Variants in CELF2 observed in about 807,000 individuals in gnomAD.
CELF2 encodes the protein CUGBP Elav-like family member 2.
CELF2 carries 8 observed loss-of-function variants against 62.6 expected under a neutral mutation model. The observed-to-expected ratio is 0.13, with a 90% CI of 0.07 to 0.23. The LOEUF is 0.23. Ranked by LOEUF, CELF2 falls within the 10% of genes least tolerant of loss-of-function variation. The pLI is 1.00. For missense variants in CELF2, 333 were observed against 671.0 expected, an observed-to-expected ratio of 0.50 and a Z score of 5.56; for synonymous variants, 258 against 250.0, an observed-to-expected ratio of 1.03 and a Z score of -0.30.
rs534739171 is a variant in CELF2, at chr10:11,201,240, T to A, written c.272-16185T>A. 5.4e-4 allele frequency among the ~76,000 whole-genome samples: 83 copies of A among 152,368 alleles called. 1 individual carries two copies. Among genetic ancestry groups the A allele is most frequent in the African/African-American group, 1.9e-3 (80 of 41,588 alleles). ...CTGTATTTTCCTTGTGTGTGTTTTT[T>A]AATCTGTAGGTATTAGGATAGGTTT... On this transcript the variant is annotated intron_variant, in intron 2 of 12. Transcript: ENST00000633077.
the CELF2 span, among the ~76,000 whole-genome samples, chr10:10,708,714 T>C: frequency 2.6e-5 from 4 of 152,264 alleles, no homozygotes; most frequent in East Asian, 7.7e-4. Flanking sequence ...TGGAATCTGA[T>C]GGAAATAGCA....
chr10:10,789,859 CA>C, the CELF2 span, among the ~76,000 whole-genome samples: 17 of 151,962 alleles, frequency 1.1e-4, no homozygotes, highest in Non-Finnish European at 1.9e-4. Flanking sequence ...ATTTGTCTTT[CA>C]TTTTTACTGT....
chr10:11,313,122 C>T (rs2094671105), intron 9 of CELF2, among the ~76,000 whole-genome samples: 1 of 152,056 alleles, frequency 6.6e-6, no homozygotes, highest in Non-Finnish European at 1.5e-5. Context: ...AATGCAAAAA[C>T]CCAAAACAGC....
chr10:11,262,940 C>CTTTTTTTATTTTTTTTTTTTTTT, intron 5 of CELF2, among the ~76,000 whole-genome samples: 1 of 52,766 alleles, frequency 1.9e-5, no homozygotes, highest in East Asian at 9.7e-4. Context: ...AGTGGCTTTA[C>CTTTTTTTATTTTTTTTTTTTTTT]TTTTTTTTTT....
At chr10:10,627,491 A>T in the CELF2 span, among the ~76,000 whole-genome samples, 1 of 152,224 alleles carries the variant, frequency 6.6e-6, no homozygotes, top group African/African-American at 2.4e-5. Flanking sequence ...GGCTGACGCA[A>T]AGCCCTAAAA....
Position 11,223,959 on chromosome 10 carries a change from G to T in CELF2, c.354+6452G>T, listed in dbSNP as rs115967384. Among the ~76,000 whole-genome samples the T allele has an allele frequency of 0.08, 12,248 of 152,272 alleles. 878 individuals carry two copies. The highest frequency in any genetic ancestry group is 0.19 in the African/African-American group (7,806 of 41,516). On this transcript the variant is annotated intron_variant, in intron 3 of 12. Coordinates refer to ENST00000633077, the MANE Select transcript of CELF2 (RefSeq NM_001326342.2). This position sits in a 1 kb window ranked among gnomAD's most constrained non-coding sequence, Gnocchi z 5.1. The stretch of plus-strand genomic sequence containing the variant: ...ACTACCTGAATAGCAGGTTGTTTTG[G>T]TTTTGGCTGGCAGTCTGTTGATTCA...
At chr10:10,686,351 T>C in the CELF2 span, among the ~76,000 whole-genome samples, 1 of 151,742 alleles carries the variant, frequency 6.6e-6, no homozygotes, top group African/African-American at 2.4e-5. Context: ...GTTTTGTTTT[T>C]TTGCAATCTC....
chr10:10,707,141 T>A, the CELF2 span, among the ~76,000 whole-genome samples: 112 of 152,336 alleles, frequency 7.4e-4, no homozygotes, highest in Admixed American at 1.3e-3. Flanking sequence ...AATATTCAAA[T>A]TCATTTGAAA....
chr10:10,471,413 C>T, the CELF2 span, among the ~76,000 whole-genome samples: 1 of 151,738 alleles, frequency 6.6e-6, no homozygotes, highest in East Asian at 1.9e-4. Context: ...TATTTTGAAG[C>T]TCTGTTATTA....
chr10:10,959,453 C>T (rs181464453), intron 2 of CELF2, among the ~76,000 whole-genome samples: 1 of 152,120 alleles, frequency 6.6e-6, no homozygotes, highest in East Asian at 1.9e-4. Flanking sequence ...AAGTATTTAC[C>T]CAGCATTTTA....
At chr10:10,486,121 G>A in the CELF2 span, among the ~76,000 whole-genome samples, 1 of 152,144 alleles carries the variant, frequency 6.6e-6, no homozygotes, top group Non-Finnish European at 1.5e-5. Context: ...TATTCTCCCG[G>A]AAATGTCAAT....
At chr10:10,889,716 C>A (rs1215007022) in intron 1 of CELF2, among the ~76,000 whole-genome samples, 1 of 152,192 alleles carries the variant, frequency 6.6e-6, no homozygotes, top group African/African-American at 2.4e-5. Context: ...CAAGCATATA[C>A]CTGCTGGTCA....
chr10:10,506,782 A>G, the CELF2 span, among the ~76,000 whole-genome samples: 1 of 139,012 alleles, frequency 7.2e-6, no homozygotes, highest in Non-Finnish European at 1.5e-5. Context: ...ATTCTGCCTA[A>G]GCCTCCCGAG....
upstream of CELF2, among the ~76,000 whole-genome samples, chr10:11,016,062 T>C (rs986612389): frequency 6.6e-6 from 1 of 152,240 alleles, no homozygotes; most frequent in Non-Finnish European, 1.5e-5. The surrounding 1 kb of genome is among the most constrained non-coding windows in gnomAD (Gnocchi z 5.2). Context: ...CTTAAAATAA[T>C]TTTTATATAG....
chr10:11,153,034 T>G (rs758183362), intron 1 of CELF2, among the ~76,000 whole-genome samples: 1 of 152,214 alleles, frequency 6.6e-6, no homozygotes, highest in Non-Finnish European at 1.5e-5. Flanking sequence ...TGGACCACAT[T>G]ACAAGAAAAA....
At chr10:10,539,180 G>C in the CELF2 span, among the ~76,000 whole-genome samples, 5 of 152,220 alleles carry the variant, frequency 3.3e-5, no homozygotes, top group Non-Finnish European at 7.3e-5. Context: ...ATGAGATTTA[G>C]AGATGGTTTT....
At chr10:10,611,203 C>CTATA in the CELF2 span, among the ~76,000 whole-genome samples, 1 of 152,072 alleles carries the variant, frequency 6.6e-6, no homozygotes, top group Non-Finnish European at 1.5e-5. Context: ...TGGCAACTGA[C>CTATA]TATATGGAGT....
chr10:11,323,782 T>A (rs2095579454), intron 11 of CELF2, among the ~76,000 whole-genome samples: 1 of 152,202 alleles, frequency 6.6e-6, no homozygotes, highest in African/African-American at 2.4e-5. Context: ...AAAGGGTGAC[T>A]TGTGAACAGG....
chr10:11,153,555 C>A (rs1304817354), intron 1 of CELF2, among the ~76,000 whole-genome samples: 1 of 152,164 alleles, frequency 6.6e-6, no homozygotes, highest in Non-Finnish European at 1.5e-5. Flanking sequence ...AGGAGTAACT[C>A]TCTTGTGTCA....
Sources: gnomAD v4.1 joint callset for allele counts (sites outside exome capture counted in the v4.1 genomes callset) on GRCh38, gnomAD v4.1.1 for gene constraint, Gnocchi (gnomAD v3.1) non-coding constraint, MANE v1.5 for transcripts, NCBI Gene and HGNC (gene_info 2026-07-23, HGNC 2026-07-21) for gene names.